The following MTMR6 variants were observed in gnomAD, a reference collection of about 807,000 sequenced individuals.
MTMR6 encodes the protein myotubularin related protein 6, also known as phosphatidylinositol-3,5-bisphosphate 3-phosphatase MTMR6.
A neutral mutation model predicts 80.1 loss-of-function variants in MTMR6; 47 were observed. The observed-to-expected ratio is 0.59, with a 90% CI of 0.46 to 0.75. MTMR6 has a LOEUF of 0.75. MTMR6 is among the 30% of genes least tolerant of loss of function. The probability of loss-of-function intolerance (pLI) is 0.00; values close to 1 mark genes in which losing one functional copy is unlikely to be tolerated. For synonymous variants in MTMR6, 254 were observed against 253.0 expected, an observed-to-expected ratio of 1.00 and a Z score of -0.04; for missense variants, 629 against 730.9, an observed-to-expected ratio of 0.86 and a Z score of 1.61.
chr13:25,257,683 T>A, intron 8 of MTMR6, 53 bp downstream of exon 8: 1 of 1,311,774 alleles, frequency 7.6e-7, no homozygotes, highest in Non-Finnish European at 1.1e-6. Flanking sequence ...ATACATCTAC[T>A]CCTTCCCAAT....
At chr13:25,270,218 AATG>A (rs1957542534) in intron 2 of MTMR6, among the ~76,000 whole-genome samples, 1 of 152,192 alleles carries the variant, frequency 6.6e-6, no homozygotes. Context: ...GCAGGAAGAA[AATG>A]ATGAAGAAAC....
At chr13:25,285,584 G>A (rs879840074) in intron 1 of MTMR6, among the ~76,000 whole-genome samples, 2 of 151,644 alleles carry the variant, frequency 1.3e-5, no homozygotes, top group African/African-American at 2.4e-5. Flanking sequence ...GCCCAGGCTG[G>A]AGTGCACTGG....
chr13:25,287,091 C>A (rs1957968400), intron 1 of MTMR6, 133 bp downstream of exon 1: 3 of 1,342,054 alleles, frequency 2.2e-6, no homozygotes, highest in African/African-American at 1.4e-5. Context: ...CCTGGCCAGA[C>A]CCTCCCGCCC....
chr13:25,262,306 C>T (rs1264186888), intron 5 of MTMR6, among the ~76,000 whole-genome samples: 4 of 152,092 alleles, frequency 2.6e-5, no homozygotes, highest in Admixed American at 2.0e-4. Context: ...TACAGTCAAT[C>T]GAATAGAGCA....
chr13:25,249,350 C>A lies in MTMR6; in HGVS notation c.1748G>T (p.Arg583Leu). ...TGCCGGGCTGCTGCCCTCTATAGTT[C>A]GAAGAGCATCATTTACGGGTAGCAG... is the stretch of plus-strand genomic sequence containing the variant. ...QTLLPVNDAL[R>L]TIEGSSPADN... Residue 583 changes from arginine to leucine, a missense_variant, in exon 14 of 14, where the codon CGA (arginine) becomes CTA (leucine). Coordinates refer to ENST00000381801, the MANE Select transcript of MTMR6 (RefSeq NM_004685.5). 1 of 1,614,068 alleles carries A rather than the reference C, an allele frequency of 6.2e-7. No homozygotes were observed. The highest frequency in any genetic ancestry group is 8.5e-7 in the Non-Finnish European group (1 of 1,179,980).
In MTMR6 at chr13:25,274,189, TA is replaced by T; in HGVS notation, c.25-3del. 1 of 1,566,282 alleles carries T rather than the reference TA, an allele frequency of 6.4e-7. No individual in the cohort carries two copies. The highest frequency in any genetic ancestry group is 8.7e-7 in the Non-Finnish European group (1 of 1,145,506). On this transcript the variant is annotated splice_region_variant and splice_polypyrimidine_tract_variant and intron_variant, in intron 1 of 13. Transcript: ENST00000381801. Reference sequence around the variant, plus strand: ...GTCAAGTAATTTTACTTGTTCGACCTAAAAGAAAAAAAGATATTATTTCTCA... The same window carrying T: ...GTCAAGTAATTTTACTTGTTCGACCTAAAGAAAAAAAGATATTATTTCTCA...
rs1370193735 is a variant in MTMR6, at chr13:25,258,549, C to CAAT, written c.859+8_859+10dup. 2 of 1,569,982 alleles carry CAAT rather than the reference C, an allele frequency of 1.3e-6. No homozygotes were observed. The highest frequency in any genetic ancestry group is 4.8e-5 in the East Asian group (2 of 41,916). On this transcript the variant is annotated intron_variant, in intron 7 of 13. Coordinates refer to ENST00000381801, the MANE Select transcript of MTMR6 (RefSeq NM_004685.5). ...GGACAAGGGTGTCTAAAAAAGTAAG[C>CAAT]AATAATATACCTTCCAATAATTTCT...
At chr13:25,255,598 A>G (rs1957185222) in intron 9 of MTMR6, among the ~76,000 whole-genome samples, 2 of 152,060 alleles carry the variant, frequency 1.3e-5, no homozygotes, top group African/African-American at 4.8e-5. Context: ...ATCTTGGCTC[A>G]CTGCAACCTC....
At chr13:25,278,202 T>C (rs1041765926) in intron 1 of MTMR6, among the ~76,000 whole-genome samples, 1 of 152,226 alleles carries the variant, frequency 6.6e-6, no homozygotes, top group African/African-American at 2.4e-5. Context: ...CTAGCTTCCT[T>C]CTCTACCTTT....
At chr13:25,254,333 A>G (rs905798410) in intron 10 of MTMR6, 52 bp downstream of exon 10, 40 of 1,326,648 alleles carry the variant, frequency 3.0e-5, no homozygotes, top group Non-Finnish European at 4.3e-5. Flanking sequence ...TTGGCATTCT[A>G]AACTTGGTTT....
rs1370832915 is a variant in MTMR6, at chr13:25,249,419, T to C, written c.1679A>G (p.Glu560Gly). The C allele has an allele frequency of 6.2e-7, 1 of 1,614,128 alleles. No homozygotes were observed. The highest frequency in any genetic ancestry group is 8.5e-7 in the Non-Finnish European group (1 of 1,179,964). Residue 560 changes from glutamate (E) to glycine (G), a missense_variant, in exon 14 of 14, where the codon GAA becomes GGA. Physicochemically the swap from Glu to Gly is moderately conservative, Grantham distance 98. Coordinates refer to ENST00000381801, the MANE Select transcript of MTMR6 (RefSeq NM_004685.5). ...CAGGGAAGTTTTGAGGTTAGGTGAT[T>C]CAGGATGAACTGAATGTAACAATTC... Reference protein sequence around the residue: ...TKELLHSVHPESPNLKTSLCF... With the variant: ...TKELLHSVHPGSPNLKTSLCF...
In MTMR6 at chr13:25,247,650, C is replaced by T. The variant is rs1957006299; in HGVS notation, c.*1582G>A. The stretch of plus-strand genomic sequence containing the variant: ...GGAAGCAGGATTGGTTAATCACATA[C>T]TATATTTTATAGTGCATTTCTGTTG... On this transcript the variant is annotated 3_prime_UTR_variant, in exon 14 of 14. Transcript: ENST00000381801. 6.6e-6 allele frequency: 1 copy of T among 152,056 alleles called. No homozygotes were observed. Among genetic ancestry groups the T allele is most frequent in the Non-Finnish European group, 1.5e-5 (1 of 67,972 alleles). The allele number at this position is 152,056 out of a possible 1,614,324, so 9.4% of individuals were successfully genotyped here.
intron 1 of MTMR6, among the ~76,000 whole-genome samples, chr13:25,280,716 G>A (rs1957824167): frequency 6.6e-6 from 1 of 151,838 alleles, no homozygotes; most frequent in Non-Finnish European, 1.5e-5. Flanking sequence ...GAAACTATTA[G>A]GATCCTTAAA....
intron 2 of MTMR6, among the ~76,000 whole-genome samples, chr13:25,273,194 T>C (rs1478280786): frequency 6.6e-6 from 1 of 152,130 alleles, no homozygotes; most frequent in African/African-American, 2.4e-5. Context: ...AATACACTAC[T>C]GAGAATAAAT....
rs112493485 is a variant in MTMR6 at position 25,282,270 on chromosome 13, C to A, written c.24+4954G>T. 8.1e-3 allele frequency among the ~76,000 whole-genome samples: 1,230 copies of A among 152,288 alleles called. 13 individuals carry two copies. Among genetic ancestry groups the A allele is most frequent in the African/African-American group, 0.027 (1,124 of 41,574 alleles). On this transcript the variant is annotated intron_variant, in intron 1 of 13. Transcript: ENST00000381801. ...CCCTAACCACTCAATTTATAGCAGT[C>A]CTCCCTTAAACCCCCTCCTCAACCC...
Position 25,274,091 on chromosome 13 carries a change from A to G in MTMR6, c.121T>C (p.Ser41Pro), listed in dbSNP as rs1245745552. The G allele has an allele frequency of 6.2e-7, 1 of 1,605,604 alleles. No individual in the cohort carries two copies. The highest frequency in any genetic ancestry group is 2.2e-5 in the East Asian group (1 of 44,718). Residue 41 changes from serine (S) to proline (P), a missense_variant, in exon 2 of 14, where the codon TCT (serine) becomes CCT (proline). Physicochemically the swap from Ser to Pro is moderately conservative, Grantham distance 74. Transcript: ENST00000381801. ...LTATHLLFID[S>P]HQKETWILHH... ...CTTACCCAGGTTTCTTTTTGATGAG[A>G]GTCGATAAATAATAGATGTGTAGCC...
At chr13:25,278,681 C>T (rs1328023356) in intron 1 of MTMR6, among the ~76,000 whole-genome samples, 1 of 142,390 alleles carries the variant, frequency 7.0e-6, no homozygotes, top group African/African-American at 2.7e-5. Context: ...TCACTGCACT[C>T]CAGCCTGGGC....
intron 6 of MTMR6, among the ~76,000 whole-genome samples, chr13:25,261,303 TAAAAAAAAAAAAAAAAAA>T (rs56833434): frequency 1.2e-4 from 5 of 40,870 alleles, no homozygotes; most frequent in Admixed American, 4.6e-4. Flanking sequence ...AACTCTGTCT[TAAAAAAAAAAAAAAAAAA>T]AAAAAAAAAA....
chr13:25,266,457 G>C (rs1241990255), intron 3 of MTMR6, among the ~76,000 whole-genome samples, 171 bp from the exon 4 acceptor site: 1 of 152,080 alleles, frequency 6.6e-6, no homozygotes, highest in African/African-American at 2.4e-5. Context: ...TACCTAAAAA[G>C]CACACATATC....
Sources: allele counts gnomAD v4.1 joint callset (sites outside exome capture counted in the v4.1 genomes callset), GRCh38; gene constraint gnomAD v4.1.1; transcripts MANE v1.5; gene names NCBI Gene and HGNC (gene_info 2026-07-23, HGNC 2026-07-21).